The following PPWD1 variants were observed in gnomAD, a reference collection of about 807,000 sequenced individuals.
PPWD1 encodes the protein peptidylprolyl isomerase domain and WD repeat containing 1, also known as peptidylprolyl isomerase domain and WD repeat-containing protein 1.
Under a neutral mutation model 68.8 loss-of-function variants are expected in PPWD1, and 43 were observed. That is an observed-to-expected ratio of 0.62 (90% CI 0.49 to 0.81). The LOEUF (loss-of-function observed/expected upper bound fraction) is 0.81, where lower values mean the gene tolerates loss of function less well. Ranked by LOEUF, PPWD1 falls within the 30% of genes least tolerant of loss-of-function variation. PPWD1 has a pLI of 0.00. For synonymous variants in PPWD1, 232 were observed against 258.7 expected, an observed-to-expected ratio of 0.90 and a Z score of 0.99; for missense variants, 672 against 804.8, an observed-to-expected ratio of 0.83 and a Z score of 2.00.
chr5:65,569,031 T>TA (rs1034559485), intron 2 of PPWD1: 12 of 455,612 alleles, frequency 2.6e-5, no homozygotes, highest in African/African-American at 2.4e-4. Flanking sequence ...ATTTCCTACT[T>TA]ATAAAATGAT....
chr5:65,575,457 A>G (rs930279670), intron 5 of PPWD1, among the ~76,000 whole-genome samples: 1 of 152,240 alleles, frequency 6.6e-6, no homozygotes, highest in South Asian at 2.1e-4. Flanking sequence ...CCTAACACAC[A>G]TACCTCATTT....
chr5:65,563,821 A>T (rs759693808), intron 1 of PPWD1: 1 of 1,505,246 alleles, frequency 6.6e-7, no homozygotes, highest in South Asian at 1.2e-5. Flanking sequence ...TGAAGTTGGA[A>T]TTTCGAACTC....
At chr5:65,582,577 G>GTA (rs1554123282) in intron 7 of PPWD1, 3 of 155,524 alleles carry the variant, frequency 1.9e-5, no homozygotes, top group African/African-American at 7.2e-5. Context: ...TCATTGCAAG[G>GTA]TATGTACTGT....
intron 5 of PPWD1, among the ~76,000 whole-genome samples, chr5:65,575,192 A>C (rs898789803): frequency 6.6e-6 from 1 of 152,216 alleles, no homozygotes; most frequent in African/African-American, 2.4e-5. Context: ...AGGTTGGATA[A>C]CATTTATGGA....
intron 1 of PPWD1, among the ~76,000 whole-genome samples, chr5:65,565,283 A>C: frequency 6.6e-6 from 1 of 152,220 alleles, no homozygotes; most frequent in Non-Finnish European, 1.5e-5. Flanking sequence ...TAATGACTGC[A>C]TATTAAAGCT....
In PPWD1 at chr5:65,586,032, A is replaced by G; in HGVS notation, c.1648A>G (p.Thr550Ala). 1.2e-6 allele frequency: 2 copies of G among 1,613,446 alleles called. No individual in the cohort carries two copies. Among genetic ancestry groups the G allele is most frequent in the Non-Finnish European group, 1.7e-6 (2 of 1,179,470 alleles). ...GATTCAGACTGGAGATCCAACAGGT[A>G]CTGGTATGGGAGGAGAAAGCATATG... ...FMIQTGDPTG[T>A]GMGGESIWGG... is the part of the protein sequence containing the mutation. The change falls in exon 10 of 11, where the codon ACT (threonine) becomes GCT (alanine). Residue 550 changes from threonine to alanine, a missense_variant. Thr to Ala is a moderately conservative substitution (Grantham distance 58, BLOSUM62 0). Around this residue, in one of 2 missense-constraint regions of PPWD1, gnomAD observed 484 missense variants for 646.2 expected, o/e 0.75. Coordinates refer to ENST00000261308, the MANE Select transcript of PPWD1 (RefSeq NM_015342.4).
chr5:65,579,518 A>G lies in PPWD1; in HGVS notation c.1255A>G (p.Ile419Val), dbSNP rs200778132. The change falls in exon 7 of 11, where the codon ATA becomes GTA. Residue 419 changes from isoleucine (I) to valine (V), a missense_variant. By Grantham distance (29) the Ile-to-Val change is conservative. This residue lies in a region of PPWD1 where 484 missense variants were observed against 646.2 expected (regional missense o/e 0.75). Coordinates refer to ENST00000261308, the MANE Select transcript of PPWD1 (RefSeq NM_015342.4). Reference protein sequence around the residue: ...IAKKHRAATTIEMKASENPVL... With the variant: ...IAKKHRAATTVEMKASENPVL... ...CAAAAAGCATCGTGCTGCAACTACT[A>G]TAGAAATGAAAGCTTCTGAAAATCC... The G allele has an allele frequency of 1.7e-4, 273 of 1,611,516 alleles. No individual in the cohort carries two copies. The highest frequency in any genetic ancestry group is 2.0e-4 in the Non-Finnish European group (238 of 1,179,172).
chr5:65,567,498 C>CT lies in PPWD1; in HGVS notation c.197-7dup. 20 of 1,587,902 alleles carry CT rather than the reference C, an allele frequency of 1.3e-5. No individual in the cohort carries two copies. Among genetic ancestry groups the CT allele is most frequent in the South Asian group, 8.1e-5 (7 of 86,654 alleles). On this transcript the variant is annotated splice_polypyrimidine_tract_variant and intron_variant, in intron 1 of 10. Transcript: ENST00000261308. ...TGTTAAAAATAGATCTTATACTTTACTTTTTTTTCTTCAGTCTTAGAGTTT... is the reference window on the plus strand; with the variant it reads ...TGTTAAAAATAGATCTTATACTTTACTTTTTTTTTCTTCAGTCTTAGAGTTT...
intron 2 of PPWD1, among the ~76,000 whole-genome samples, chr5:65,568,710 C>A (rs1318582295): frequency 2.0e-5 from 3 of 151,944 alleles, no homozygotes; most frequent in Admixed American, 6.6e-5. Context: ...TTAGATCAGT[C>A]TATTCTTGAT....
rs1484528577 is a variant in PPWD1, at chr5:65,571,739, C to G, written c.522-100C>G. 4.0e-6 allele frequency: 6 copies of G among 1,497,128 alleles called. No individual in the cohort carries two copies. The East Asian group carries it at 7.0e-5, about 17-fold the overall frequency. The allele number at this position is 1,497,128 out of a possible 1,614,324, so 92.7% of individuals were successfully genotyped here. A position where few individuals can be genotyped will look rare whatever the true frequency, so the allele number is the denominator to read the frequency against. ...TTTTGAGCAAGGAATCCAAAACTGT[C>G]TAAATCACCAGCCAAGACATTTTTG... On this transcript the variant is annotated intron_variant, in intron 4 of 10. Transcript: ENST00000261308.
At chr5:65,575,593 G>A (rs1290405102) in intron 5 of PPWD1, among the ~76,000 whole-genome samples, 4 of 152,186 alleles carry the variant, frequency 2.6e-5, no homozygotes, top group Admixed American at 6.5e-5. Context: ...ATCTGCAATG[G>A]AGAGCTATTT....
chr5:65,566,373 G>A (rs552356524), intron 1 of PPWD1, among the ~76,000 whole-genome samples: 1 of 152,288 alleles, frequency 6.6e-6, no homozygotes, highest in African/African-American at 2.4e-5. Context: ...GATTACAGCA[G>A]TTATATCCCA....
intron 6 of PPWD1, among the ~76,000 whole-genome samples, chr5:65,577,319 G>GT (rs538368094): frequency 3.0e-4 from 45 of 151,796 alleles, no homozygotes; most frequent in African/African-American, 8.2e-4. Flanking sequence ...GTTGTTGTGT[G>GT]TTTTTTTTAA....
intron 5 of PPWD1, among the ~76,000 whole-genome samples, chr5:65,573,475 A>ATAT (rs1184340605): frequency 5.9e-5 from 4 of 67,768 alleles, no homozygotes; most frequent in Non-Finnish European, 8.3e-5. Flanking sequence ...ATATATATAT[A>ATAT]TTTTTTTTTT....
intron 7 of PPWD1, among the ~76,000 whole-genome samples, chr5:65,582,176 C>T (rs537373423): frequency 6.6e-6 from 1 of 152,236 alleles, no homozygotes; most frequent in East Asian, 1.9e-4. Flanking sequence ...ACTAGCTTTA[C>T]GTTCCCATAA....
At chr5:65,565,342 T>G (rs187015822) in intron 1 of PPWD1, among the ~76,000 whole-genome samples, 254 of 152,360 alleles carry the variant, frequency 1.7e-3, no homozygotes, top group African/African-American at 5.8e-3. Flanking sequence ...TTTTTGCAAG[T>G]TCTTTTTTAA....
At position 65,583,087 on chromosome 5, in the gene PPWD1, A is replaced by G; in HGVS notation, c.1400A>G (p.Asp467Gly). Residue 467 changes from aspartate to glycine, a missense_variant, in exon 8 of 11, where the codon GAT becomes GGT. Physicochemically the swap from Asp to Gly is moderately conservative, Grantham distance 94. Around this residue, in one of 2 missense-constraint regions of PPWD1, gnomAD observed 484 missense variants for 646.2 expected, o/e 0.75. Transcript: ENST00000261308. ...ACGAAAAGTGCAGATTCTGATCGAG[A>G]TGTTTTTAATGAGAAACCTTCTAAA... ...EDTKSADSDR[D>G]VFNEKPSKEE... is the part of the protein sequence containing the mutation. 6.2e-7 allele frequency: 1 copy of G among 1,611,844 alleles called. No individual in the cohort carries two copies. Among genetic ancestry groups the G allele is most frequent in the Non-Finnish European group, 8.5e-7 (1 of 1,179,272 alleles).
intron 8 of PPWD1, 199 bp from the exon 9 acceptor site, chr5:65,584,815 G>A (rs1486924022): frequency 3.0e-6 from 1 of 335,128 alleles, no homozygotes; most frequent in Non-Finnish European, 4.2e-6. Flanking sequence ...AGATAACTAA[G>A]TTGAACAATA....
intron 1 of PPWD1, among the ~76,000 whole-genome samples, chr5:65,564,739 T>C (rs1403373927): frequency 6.6e-6 from 1 of 152,190 alleles, no homozygotes; most frequent in Non-Finnish European, 1.5e-5. Context: ...CCTTACTTTG[T>C]ACTCCACCCA....
Sources: gnomAD v4.1 joint callset for allele counts (sites outside exome capture counted in the v4.1 genomes callset) on GRCh38, gnomAD v4.1.1 for gene constraint, gnomAD v4.1.1 regional missense constraint, MANE v1.5 for transcripts, NCBI Gene and HGNC (gene_info 2026-07-23, HGNC 2026-07-21) for gene names.